Variants in KIF1B observed in about 807,000 individuals in gnomAD.
The protein encoded by KIF1B is kinesin family member 1B.
A neutral mutation model predicts 241.9 loss-of-function variants in KIF1B; 76 were observed. The ratio of observed to expected loss-of-function variants is 0.31; its 90% CI spans 0.26 to 0.38. The LOEUF (loss-of-function observed/expected upper bound fraction) is 0.38. KIF1B is among the 10% of genes least tolerant of loss of function. KIF1B has a pLI of 1.00. For missense variants in KIF1B, 1,622 were observed against 2,271.4 expected, an observed-to-expected ratio of 0.71 and a Z score of 5.81; for synonymous variants, 750 against 796.7, an observed-to-expected ratio of 0.94 and a Z score of 0.99.
intron 9 of KIF1B, 137 bp from the exon 10 acceptor site, chr1:10,272,877 C>A: frequency 1.5e-6 from 1 of 661,258 alleles, no homozygotes; most frequent in South Asian, 2.3e-5. Context: ...TTTTTAATTG[C>A]TAAGAAGAAT....
intron 28 of KIF1B, among the ~76,000 whole-genome samples, chr1:10,335,627 T>TG (rs2102313806): frequency 6.6e-6 from 1 of 152,082 alleles, no homozygotes; most frequent in South Asian, 2.1e-4. Context: ...TAGTTGTTGT[T>TG]TTTTTGTTTG....
chr1:10,375,945 C>T (rs192078498), intron 48 of KIF1B, among the ~76,000 whole-genome samples: 4,680 of 150,726 alleles, frequency 0.031, 256 homozygotes, highest in African/African-American at 0.11. Flanking sequence ...TACAGGTGCC[C>T]GCCACCACAC....
chr1:10,360,884 C>T, intron 38 of KIF1B, 45 bp from the exon 39 acceptor site: 1 of 1,360,256 alleles, frequency 7.4e-7, no homozygotes, highest in Non-Finnish European at 1.1e-6. Flanking sequence ...ACTAACGTGA[C>T]TTTAGCTTCT....
At position 10,379,091 on chromosome 1, in the gene KIF1B, AG is replaced by A. The variant is rs935369081; in HGVS notation, c.*2505del. ...ATCAAATCTAATTTCAGGGAAATGA[AG>A]ATGGAATTTGAAGGTCACTTTTAAA... On this transcript the variant is annotated 3_prime_UTR_variant, in exon 49 of 49. Transcript: ENST00000676179. The A allele has an allele frequency of 6.5e-5, 15 of 231,552 alleles. No individual in the cohort carries two copies. The highest frequency in any genetic ancestry group is 2.7e-4 in the African/African-American group (12 of 45,210). The allele number at this position is 231,552 out of a possible 1,614,324, so 14.3% of individuals were successfully genotyped here.
rs527407778 is a variant in KIF1B, at chr1:10,374,654, C to G, written c.5096+189C>G. On this transcript the variant is annotated intron_variant, in intron 46 of 48. Coordinates refer to ENST00000676179, the MANE Select transcript of KIF1B (RefSeq NM_001365951.3). This position sits in a 1 kb window ranked among gnomAD's most constrained non-coding sequence, Gnocchi z 4.3. ...CCAGTTGGGTCTCATAATGCATCTG[C>G]ACCCTGGCGCAGCATGTTGCCATGG... Among the ~76,000 whole-genome samples, 2 of 152,308 alleles carry G rather than the reference C, an allele frequency of 1.3e-5. No homozygotes were observed. The highest frequency in any genetic ancestry group is 4.8e-5 in the African/African-American group (2 of 41,570).
Position 10,325,990 on chromosome 1 carries a change from A to T in KIF1B, c.2676-121A>T, listed in dbSNP as rs1290340458. On this transcript the variant is annotated intron_variant, in intron 26 of 48. Coordinates refer to ENST00000676179, the MANE Select transcript of KIF1B (RefSeq NM_001365951.3). ...GCTTATTTTATCCTTTTGCTTTTCC[A>T]TTTGCTTTTATTGTGTTGATTCCCC... 3.8e-6 allele frequency: 5 copies of T among 1,322,036 alleles called. No individual in the cohort carries two copies. In the Admixed American group the frequency reaches 8.4e-5, roughly 22 times the overall value. 81.9% of individuals were successfully genotyped at this position (1,322,036 alleles called of 1,614,324 possible).
At chr1:10,373,872 C>G (rs1422979855) in intron 45 of KIF1B, among the ~76,000 whole-genome samples, 1 of 152,212 alleles carries the variant, frequency 6.6e-6, no homozygotes, top group Non-Finnish European at 1.5e-5. Context: ...CAAAGTTTCT[C>G]GTTCCGTAGG....
intron 27 of KIF1B, among the ~76,000 whole-genome samples, chr1:10,332,393 G>A (rs1014456278): frequency 6.6e-6 from 1 of 151,042 alleles, no homozygotes; most frequent in African/African-American, 2.4e-5. Flanking sequence ...TGCCCATTCA[G>A]AGTCTCCTCT....
chr1:10,334,149 C>CA (rs372716443), intron 27 of KIF1B, among the ~76,000 whole-genome samples: 5,880 of 82,664 alleles, frequency 0.071, 483 homozygotes, highest in African/African-American at 0.18. Context: ...GACTCTGTCT[C>CA]AAAAAAAAAA....
intron 3 of KIF1B, among the ~76,000 whole-genome samples, chr1:10,256,577 A>T (rs1211958787): frequency 6.6e-6 from 1 of 152,090 alleles, no homozygotes; most frequent in Non-Finnish European, 1.5e-5. Flanking sequence ...CACCAAATTT[A>T]TACTGAATGT....
intron 1 of KIF1B, among the ~76,000 whole-genome samples, chr1:10,219,095 G>A (rs764669860): frequency 6.6e-6 from 1 of 152,148 alleles, no homozygotes; most frequent in Non-Finnish European, 1.5e-5. Flanking sequence ...ATAGTTTGTC[G>A]AGAGAAACCT....
chr1:10,368,027 A>G lies in KIF1B; in HGVS notation c.4753-440A>G, dbSNP rs192350556. Reference sequence around the variant, plus strand: ...CAGGTATGAGCCATCACACCCAGCCAGAACCATGGTGTTTTTAGTAATTCA... The same window carrying G: ...CAGGTATGAGCCATCACACCCAGCCGGAACCATGGTGTTTTTAGTAATTCA... On this transcript the variant is annotated intron_variant, in intron 43 of 48. Coordinates refer to ENST00000676179, the MANE Select transcript of KIF1B (RefSeq NM_001365951.3). Among the ~76,000 whole-genome samples, 729 of 152,226 alleles carry G rather than the reference A, an allele frequency of 4.8e-3. 7 individuals are homozygous for G. Among genetic ancestry groups the G allele is most frequent in the African/African-American group, 0.017 (701 of 41,560 alleles).
At chr1:10,216,089 A>G (rs1228526827) in intron 1 of KIF1B, among the ~76,000 whole-genome samples, 1 of 152,176 alleles carries the variant, frequency 6.6e-6, no homozygotes, top group African/African-American at 2.4e-5. Context: ...TGTTATTCCC[A>G]TTTTACAGAT....
At chr1:10,278,718 A>G (rs1649248235) in intron 13 of KIF1B, 1 of 196,632 alleles carries the variant, frequency 5.1e-6, no homozygotes, top group South Asian at 1.1e-4. Context: ...ATGTTGTATT[A>G]AAATTTATCT....
intron 1 of KIF1B, among the ~76,000 whole-genome samples, chr1:10,214,335 G>C (rs1246751097): frequency 2.0e-5 from 3 of 151,614 alleles, no homozygotes; most frequent in Non-Finnish European, 4.4e-5. Flanking sequence ...TGTCACCCAG[G>C]CTGGAGTGCA....
intron 1 of KIF1B, among the ~76,000 whole-genome samples, chr1:10,214,417 G>A (rs1209187716): frequency 6.6e-6 from 1 of 151,642 alleles, no homozygotes; most frequent in Non-Finnish European, 1.5e-5. Context: ...AGCCTCCCAA[G>A]TAGCTGGGAT....
At chr1:10,363,167 C>A in intron 40 of KIF1B, 116 bp from the exon 41 acceptor site, 1 of 752,088 alleles carries the variant, frequency 1.3e-6, no homozygotes, top group South Asian at 1.6e-5. Context: ...ATAAGAAATG[C>A]CTGGAATTAT....
At chr1:10,273,052 G>C (rs1330440176) in intron 10 of KIF1B, 21 bp downstream of exon 10, 9 of 1,529,814 alleles carry the variant, frequency 5.9e-6, no homozygotes, top group Non-Finnish European at 8.0e-6. Context: ...GATTGGTAGA[G>C]ATAAACTAGA....
intron 16 of KIF1B, 126 bp downstream of exon 16, chr1:10,291,287 CA>C (rs927366919): frequency 7.4e-5 from 50 of 678,564 alleles, no homozygotes; most frequent in Middle Eastern, 4.0e-4. Context: ...AAAACGAAAC[CA>C]AAAAAATGGA....
Sources: gnomAD v4.1 joint callset for allele counts (sites outside exome capture counted in the v4.1 genomes callset) on GRCh38, gnomAD v4.1.1 for gene constraint, Gnocchi (gnomAD v3.1) non-coding constraint, MANE v1.5 for transcripts, NCBI Gene and HGNC (gene_info 2026-07-23, HGNC 2026-07-21) for gene names.